Variants in CALN1 observed in about 807,000 individuals in gnomAD.
CALN1 encodes calneuron 1, also known as calcium-binding protein 8.
A neutral mutation model predicts 30.6 loss-of-function variants in CALN1; 17 were observed. The ratio of observed to expected loss-of-function variants is 0.56; its 90% CI spans 0.38 to 0.83. The LOEUF is 0.83. Among genes scored for constraint, CALN1 ranks in the 40% least tolerant of loss-of-function variants. CALN1 has a pLI of 0.00. For missense variants in CALN1, 291 were observed against 354.9 expected, an observed-to-expected ratio of 0.82 and a Z score of 1.45; for synonymous variants, 156 against 131.4, an observed-to-expected ratio of 1.19 and a Z score of -1.28.
At chr7:71,803,346 G>T (rs568427419) in intron 6 of CALN1, among the ~76,000 whole-genome samples, 1 of 152,134 alleles carries the variant, frequency 6.6e-6, no homozygotes. Context: ...CTGAGCTAGG[G>T]TCTTCTAGCC....
chr7:72,404,574 C>A (rs1017011725), intron 1 of CALN1, among the ~76,000 whole-genome samples: 1 of 152,194 alleles, frequency 6.6e-6, no homozygotes, highest in Admixed American at 6.5e-5. Flanking sequence ...TTGCAGCAGG[C>A]AATGGCTTCT....
intron 2 of CALN1, among the ~76,000 whole-genome samples, chr7:72,304,093 G>T (rs1328376329): frequency 1.3e-5 from 2 of 152,198 alleles, no homozygotes; most frequent in Admixed American, 6.5e-5. Flanking sequence ...AGAAAGAAAT[G>T]AAGAGGTGCT....
rs181587047 is a variant in CALN1, at chr7:72,344,657, T to A, written c.119+58594A>T. Among the ~76,000 whole-genome samples, 1,368 of 146,854 alleles carry A rather than the reference T, an allele frequency of 9.3e-3. 12 individuals carry two copies. Among genetic ancestry groups the A allele is most frequent in the African/African-American group, 0.032 (1,318 of 40,762 alleles). ...ATATATATTTATATTTTTTTATTTA[T>A]ATAAATATATATTTTATTTATGTAT... is the stretch of plus-strand genomic sequence containing the variant. On this transcript the variant is annotated intron_variant, in intron 2 of 6. Coordinates refer to ENST00000395275, the MANE Select transcript of CALN1 (RefSeq NM_031468.4).
chr7:71,821,778 ATGTT>A (rs918753502), intron 5 of CALN1, among the ~76,000 whole-genome samples: 4 of 148,122 alleles, frequency 2.7e-5, no homozygotes, highest in South Asian at 2.2e-4. Context: ...ATTCTGCTAA[ATGTT>A]TCTTTCTTTT....
intron 1 of CALN1, among the ~76,000 whole-genome samples, chr7:72,408,448 T>G (rs982857142): frequency 9.9e-5 from 15 of 151,110 alleles, no homozygotes; most frequent in Non-Finnish European, 2.1e-4. Flanking sequence ...CAGAAAAAAA[T>G]TAAACACACA....
chr7:72,086,731 A>G (rs2177711), intron 4 of CALN1, among the ~76,000 whole-genome samples: 69,679 of 151,946 alleles, frequency 0.46, 17,117 homozygotes, highest in East Asian at 0.97. Context: ...GAGCCACTGC[A>G]CCTGGCCCAA....
intron 3 of CALN1, among the ~76,000 whole-genome samples, chr7:72,155,309 G>A (rs184113489): frequency 7.2e-5 from 11 of 151,960 alleles, no homozygotes; most frequent in Admixed American, 3.9e-4. Flanking sequence ...TGGCTAACAC[G>A]GTGAAATCCT....
chr7:72,471,069 C>T, the CALN1 span, among the ~76,000 whole-genome samples: 2 of 152,164 alleles, frequency 1.3e-5, no homozygotes, highest in Admixed American at 6.5e-5. Context: ...ATCCTCCCAC[C>T]TCAGCCTCCC....
chr7:71,802,882 G>A (rs930266981), intron 6 of CALN1, among the ~76,000 whole-genome samples: 2 of 152,058 alleles, frequency 1.3e-5, no homozygotes, highest in African/African-American at 4.8e-5. Context: ...AATTAGCCGG[G>A]CATGGTGGCG....
upstream of CALN1, among the ~76,000 whole-genome samples, chr7:72,447,990 A>G (rs1808577023): frequency 6.6e-6 from 1 of 151,104 alleles, no homozygotes; most frequent in Admixed American, 6.6e-5. Context: ...ACACACACAC[A>G]CACACACACA....
intron 5 of CALN1, among the ~76,000 whole-genome samples, chr7:71,911,429 T>C (rs542360560): frequency 2.6e-5 from 4 of 152,300 alleles, no homozygotes; most frequent in Admixed American, 6.5e-5. Context: ...ATATACTGTG[T>C]AGTATGTCCT....
At chr7:72,334,997 C>T (rs564966295) in intron 2 of CALN1, among the ~76,000 whole-genome samples, 6 of 152,264 alleles carry the variant, frequency 3.9e-5, no homozygotes, top group African/African-American at 1.4e-4. Context: ...CACCAACTGC[C>T]GGGGGAACTA....
At chr7:72,210,278 C>T (rs1792299227) in intron 3 of CALN1, among the ~76,000 whole-genome samples, 1 of 152,102 alleles carries the variant, frequency 6.6e-6, no homozygotes, top group Non-Finnish European at 1.5e-5. Flanking sequence ...AATCAAGCTT[C>T]TCTATGGTGT....
At chr7:72,381,732 G>C (rs1299894610) in intron 2 of CALN1, among the ~76,000 whole-genome samples, 1 of 152,162 alleles carries the variant, frequency 6.6e-6, no homozygotes, top group African/African-American at 2.4e-5. Flanking sequence ...GAGAGCATTA[G>C]GACAAATACC....
chr7:72,502,686 C>T, the CALN1 span, among the ~76,000 whole-genome samples: 2 of 152,180 alleles, frequency 1.3e-5, no homozygotes, highest in Non-Finnish European at 2.9e-5. Context: ...TCCCTTCCCT[C>T]ATCTTCCCAA....
intron 2 of CALN1, among the ~76,000 whole-genome samples, chr7:72,392,953 C>A (rs1805672737): frequency 6.6e-6 from 1 of 151,996 alleles, no homozygotes; most frequent in African/African-American, 2.4e-5. Context: ...GAGCTATGAT[C>A]TCACCACTAC....
chr7:72,181,096 A>ACCG (rs1491335824), intron 3 of CALN1, among the ~76,000 whole-genome samples: 1 of 74,592 alleles, frequency 1.3e-5, no homozygotes, highest in Admixed American at 1.4e-4. Context: ...AAACTGCATA[A>ACCG]CCCCCCCCCC....
intron 5 of CALN1, among the ~76,000 whole-genome samples, chr7:72,005,653 C>G (rs1799732991): frequency 6.6e-6 from 1 of 152,050 alleles, no homozygotes; most frequent in African/African-American, 2.4e-5. Context: ...ATTGATACAA[C>G]AATTTGAATG....
upstream of CALN1, among the ~76,000 whole-genome samples, chr7:72,449,506 C>T (rs1424091325): frequency 6.6e-6 from 1 of 152,202 alleles, no homozygotes; most frequent in Non-Finnish European, 1.5e-5. Context: ...GCCCACTTTA[C>T]CCCTGCCTGG....
Sources: gnomAD v4.1 joint callset for allele counts (sites outside exome capture counted in the v4.1 genomes callset) on GRCh38, gnomAD v4.1.1 for gene constraint, MANE v1.5 for transcripts, NCBI Gene and HGNC (gene_info 2026-07-23, HGNC 2026-07-21) for gene names.